UGGT1: variants seen among roughly 807,000 people sequenced by gnomAD.
UGGT1 encodes UDP-glucose:glycoprotein glucosyltransferase 1.
A neutral mutation model predicts 203.9 loss-of-function variants in UGGT1; 107 were observed. That is an observed-to-expected ratio of 0.52 (90% CI 0.45 to 0.62). UGGT1 has a LOEUF of 0.62. Among genes scored for constraint, UGGT1 ranks in the 20% least tolerant of loss-of-function variants. UGGT1 has a pLI of 0.00. For synonymous variants in UGGT1, 628 were observed against 653.5 expected, an observed-to-expected ratio of 0.96 and a Z score of 0.59; for missense variants, 1,673 against 1,867.2, an observed-to-expected ratio of 0.90 and a Z score of 1.92.
rs1182990749 is a variant in UGGT1 at position 128,113,230 on chromosome 2, T to G, written c.668T>G (p.Ile223Ser). Reference sequence around the variant, plus strand: ...ATATCAAAAAGCAATGCAGGCAAAATCAATTATGTATTCAGACATTATATA... The same window carrying G: ...ATATCAAAAAGCAATGCAGGCAAAAGCAATTATGTATTCAGACATTATATA... The part of the protein sequence containing the change: ...QLISKSNAGK[I>S]NYVFRHYIFN... Residue 223 changes from isoleucine to serine, a missense_variant, in exon 6 of 41, where the codon ATC becomes AGC. Ile to Ser is a moderately radical substitution (Grantham distance 142). Transcript: ENST00000259253. 2 of 1,612,218 alleles carry G rather than the reference T, an allele frequency of 1.2e-6. No individual in the cohort carries two copies. The highest frequency in any genetic ancestry group is 4.5e-5 in the East Asian group (2 of 44,774).
intron 10 of UGGT1, among the ~76,000 whole-genome samples, chr2:128,121,664 C>T (rs1331103901): frequency 6.6e-6 from 1 of 152,026 alleles, no homozygotes; most frequent in Non-Finnish European, 1.5e-5. Context: ...GCCTTGGCCT[C>T]CCAAAGTGCT....
intron 10 of UGGT1, 30 bp downstream of exon 10, chr2:128,121,328 C>T (rs746984065): frequency 2.0e-6 from 3 of 1,481,064 alleles, no homozygotes; most frequent in South Asian, 1.2e-5. Flanking sequence ...TTCTCCTTAA[C>T]ATCATACCCA....
chr2:128,096,718 C>T (rs1406460610), intron 1 of UGGT1, among the ~76,000 whole-genome samples: 1 of 152,152 alleles, frequency 6.6e-6, no homozygotes, highest in Admixed American at 6.6e-5. Flanking sequence ...ATTTCCATAT[C>T]TTTTTTGGGG....
chr2:128,093,619 C>A (rs1686972392), intron 1 of UGGT1, among the ~76,000 whole-genome samples: 1 of 152,170 alleles, frequency 6.6e-6, no homozygotes, highest in Non-Finnish European at 1.5e-5. Context: ...CTTGGACTTG[C>A]CTTGGTTCTC....
chr2:128,129,691 G>A (rs533978829), intron 13 of UGGT1, among the ~76,000 whole-genome samples: 4 of 152,058 alleles, frequency 2.6e-5, no homozygotes, highest in Non-Finnish European at 5.9e-5. Flanking sequence ...GAACCAGTGC[G>A]CCTGGCCAAG....
intron 10 of UGGT1, among the ~76,000 whole-genome samples, chr2:128,121,619 C>G (rs1056225322): frequency 3.9e-5 from 6 of 152,040 alleles, no homozygotes; most frequent in Non-Finnish European, 8.8e-5. Flanking sequence ...GTTGGCCAGG[C>G]TAGTCTTGAA....
chr2:128,154,121 G>A (rs1018692712), intron 19 of UGGT1, among the ~76,000 whole-genome samples: 7 of 151,860 alleles, frequency 4.6e-5, no homozygotes, highest in African/African-American at 1.7e-4. Flanking sequence ...TGAGGAAAAA[G>A]TGTAAATATA....
chr2:128,104,053 G>T (rs1183934797), intron 3 of UGGT1, 39 bp downstream of exon 3: 1 of 1,472,246 alleles, frequency 6.8e-7, no homozygotes, highest in East Asian at 2.5e-5. Flanking sequence ...TTTGGTGTCT[G>T]GGAAAATATT....
At chr2:128,141,743 G>A (rs1302499598) in intron 16 of UGGT1, among the ~76,000 whole-genome samples, 6 of 150,420 alleles carry the variant, frequency 4.0e-5, no homozygotes, top group African/African-American at 7.3e-5. Context: ...CCCAGGAGGC[G>A]GAGGTAGCAG....
chr2:128,156,981 A>G (rs1439871498), intron 21 of UGGT1, among the ~76,000 whole-genome samples: 3 of 152,224 alleles, frequency 2.0e-5, no homozygotes, highest in African/African-American at 7.2e-5. Context: ...GCTGTTTTTC[A>G]TTTTACATGC....
At chr2:128,112,320 C>A (rs1687893483) in intron 5 of UGGT1, among the ~76,000 whole-genome samples, 1 of 148,368 alleles carries the variant, frequency 6.7e-6, no homozygotes, top group African/African-American at 2.5e-5. Context: ...ACTGAGGAGG[C>A]TGAGGCAGGA....
Position 128,127,427 on chromosome 2 carries a change from G to A in UGGT1, c.1201G>A (p.Asp401Asn). ...SALFINGLHM[D>N]LDTQDIFSLF... ...CCTCTTCATCAATGGACTTCACATGGATTTAGATACACAGGATATATTCAG... is the reference window on the plus strand; with the variant it reads ...CCTCTTCATCAATGGACTTCACATGAATTTAGATACACAGGATATATTCAG... Residue 401 changes from aspartate to asparagine, a missense_variant, in exon 12 of 41, where the codon GAT becomes AAT. Physicochemically the swap from Asp to Asn is conservative, Grantham distance 23 (BLOSUM62 1). Around this residue, in one of 4 missense-constraint regions of UGGT1, gnomAD observed 1,073 missense variants for 1,078.7 expected, o/e 0.99. Coordinates refer to ENST00000259253, the MANE Select transcript of UGGT1 (RefSeq NM_020120.4). 6.2e-7 allele frequency: 1 copy of A among 1,613,320 alleles called. No homozygotes were observed. The highest frequency in any genetic ancestry group is 8.5e-7 in the Non-Finnish European group (1 of 1,179,316).
At chr2:128,154,268 C>G (rs1573583682) in intron 19 of UGGT1, among the ~76,000 whole-genome samples, 1 of 152,110 alleles carries the variant, frequency 6.6e-6, no homozygotes, top group South Asian at 2.1e-4. Context: ...TTGTTTTCAT[C>G]ATTTTTATTT....
At chr2:128,151,177 A>G in intron 18 of UGGT1, 1 of 495,602 alleles carries the variant, frequency 2.0e-6, no homozygotes, top group Non-Finnish European at 3.8e-6. Flanking sequence ...ACCTGCAGCC[A>G]GGGGTCCCTT....
chr2:128,126,819 A>G (rs1688630166), intron 11 of UGGT1, among the ~76,000 whole-genome samples: 1 of 150,766 alleles, frequency 6.6e-6, no homozygotes, highest in South Asian at 2.1e-4. Context: ...GGCAGCTGGG[A>G]CTATAGGAGT....
chr2:128,179,481 C>G lies in UGGT1; in HGVS notation c.3816-305C>G, dbSNP rs188372908. Among the ~76,000 whole-genome samples, 309 of 152,210 alleles carry G rather than the reference C, an allele frequency of 2.0e-3. 2 individuals carry two copies. The highest frequency in any genetic ancestry group is 7.2e-3 in the African/African-American group (298 of 41,532). Reference sequence around the variant, plus strand: ...CCCCGATTTCCAGGGTTCATCTGGACCATAACTAATATATCAGTTCATGAA... The same window carrying G: ...CCCCGATTTCCAGGGTTCATCTGGAGCATAACTAATATATCAGTTCATGAA... On this transcript the variant is annotated intron_variant, in intron 34 of 40. Transcript: ENST00000259253.
In UGGT1 at chr2:128,160,226, A is replaced by G. The variant is rs76981228; in HGVS notation, c.2563-234A>G. ...TTTAAAAATGCAGAGTAAAGGAATG[A>G]TGAATAGTCTGCTAGTCGAACAAAT... On this transcript the variant is annotated intron_variant, in intron 23 of 40. Coordinates refer to ENST00000259253, the MANE Select transcript of UGGT1 (RefSeq NM_020120.4). 7.2e-4 allele frequency among the ~76,000 whole-genome samples: 110 copies of G among 152,360 alleles called. 2 individuals carry two copies. The East Asian group carries it at 0.017, about 24-fold the overall frequency.
intron 8 of UGGT1, 123 bp downstream of exon 8, chr2:128,116,466 A>G: frequency 1.6e-6 from 1 of 630,062 alleles, no homozygotes; most frequent in South Asian, 2.0e-5. Flanking sequence ...ACAGTACTTT[A>G]TGTATGCAAT....
intron 3 of UGGT1, 22 bp from the exon 4 acceptor site, chr2:128,107,916 G>T: frequency 6.2e-7 from 1 of 1,613,672 alleles, no homozygotes; most frequent in South Asian, 1.1e-5. Context: ...CAATTACTTT[G>T]GTTAATGTTC....
Sources: gnomAD v4.1 joint callset for allele counts (sites outside exome capture counted in the v4.1 genomes callset) on GRCh38, gnomAD v4.1.1 for gene constraint, gnomAD v4.1.1 regional missense constraint, MANE v1.5 for transcripts, NCBI Gene and HGNC (gene_info 2026-07-23, HGNC 2026-07-21) for gene names.